The following ELAPOR2 variants were observed in gnomAD, a reference collection of about 807,000 sequenced individuals.
ELAPOR2 encodes endosome/lysosome-associated apoptosis and autophagy regulator family member 2.
Under a neutral mutation model 120.7 loss-of-function variants are expected in ELAPOR2, and 89 were observed. The observed-to-expected ratio is 0.74, with a 90% CI of 0.62 to 0.88. The LOEUF (loss-of-function observed/expected upper bound fraction) is 0.88. Ranked by LOEUF, ELAPOR2 falls within the 40% of genes least tolerant of loss-of-function variation. The probability of loss-of-function intolerance (pLI) is 0.00; values close to 1 mark genes in which losing one functional copy is unlikely to be tolerated. For synonymous variants in ELAPOR2, 444 were observed against 444.9 expected (o/e 1.00, Z 0.03); for missense variants, 1,134 against 1,251.6 (o/e 0.91, Z 1.42).
At chr7:86,937,656 T>C (rs1001473452) in intron 8 of ELAPOR2, among the ~76,000 whole-genome samples, 3 of 152,076 alleles carry the variant, frequency 2.0e-5, no homozygotes, top group African/African-American at 4.8e-5. Flanking sequence ...CAAAACATAC[T>C]GAGTAACCAA....
In ELAPOR2 at chr7:86,926,920, CAAAAAAAAAAAA is replaced by C. The variant is rs397698585; in HGVS notation, c.1090-16_1090-5del. 1.1e-6 allele frequency: 1 copy of C among 887,016 alleles called. No individual in the cohort carries two copies. The highest frequency in any genetic ancestry group is 1.4e-6 in the Non-Finnish European group (1 of 737,196). The allele number at this position is 887,016 out of a possible 1,614,324, so 54.9% of individuals were successfully genotyped here. ...TCCACTTGTACATTATCTGTGTCTA[CAAAAAAAAAAAA>C]AAAAAAAAAGCAACCAAGTCATATA... On this transcript the variant is annotated splice_polypyrimidine_tract_variant and splice_region_variant and intron_variant, in intron 8 of 21. Transcript: ENST00000450689.
chr7:86,889,772 T>C (rs1179804304), intron 21 of ELAPOR2, among the ~76,000 whole-genome samples: 1 of 152,064 alleles, frequency 6.6e-6, no homozygotes, highest in Non-Finnish European at 1.5e-5. Context: ...TGGGTTTCTG[T>C]TAAGATTTTG....
At chr7:86,991,272 T>C (rs1475773890) in intron 1 of ELAPOR2, among the ~76,000 whole-genome samples, 4 of 152,142 alleles carry the variant, frequency 2.6e-5, no homozygotes, top group Non-Finnish European at 5.9e-5. Context: ...ATGATTTATT[T>C]TACAGTTGAA....
intron 18 of ELAPOR2, among the ~76,000 whole-genome samples, chr7:86,900,416 T>C (rs1788665167): frequency 6.6e-6 from 1 of 152,172 alleles, no homozygotes; most frequent in Non-Finnish European, 1.5e-5. Flanking sequence ...ACGGGGTAGT[T>C]ATAATGGATA....
intron 1 of ELAPOR2, among the ~76,000 whole-genome samples, chr7:87,042,125 C>T (rs1176307273): frequency 6.7e-6 from 1 of 149,486 alleles, no homozygotes; most frequent in Non-Finnish European, 1.5e-5. Flanking sequence ...TCCTGAGTGA[C>T]CTACAAAGAG....
intron 1 of ELAPOR2, among the ~76,000 whole-genome samples, chr7:87,010,295 T>C (rs1459324283): frequency 6.6e-6 from 1 of 152,206 alleles, no homozygotes; most frequent in Non-Finnish European, 1.5e-5. Flanking sequence ...GCTAAACTGA[T>C]TTAACAGATA....
chr7:87,013,574 A>C (rs1263483819), intron 1 of ELAPOR2, among the ~76,000 whole-genome samples: 2 of 152,138 alleles, frequency 1.3e-5, no homozygotes, highest in African/African-American at 2.4e-5. Context: ...GTGAGGAAGG[A>C]GCAGGTGGTG....
chr7:86,906,391 AATTAAAT>A (rs1789017626), intron 18 of ELAPOR2, among the ~76,000 whole-genome samples: 2 of 152,110 alleles, frequency 1.3e-5, no homozygotes, highest in African/African-American at 4.8e-5. Context: ...TAAAAAGAAT[AATTAAAT>A]CATAGGTCTA....
chr7:86,911,810 A>T (rs1775597531), intron 15 of ELAPOR2: 1 of 570,232 alleles, frequency 1.8e-6, no homozygotes, highest in South Asian at 1.7e-5. Context: ...AAACATCCTC[A>T]AAGCACTTAC....
At chr7:87,031,796 G>A (rs1562976390) in intron 1 of ELAPOR2, among the ~76,000 whole-genome samples, 1 of 151,928 alleles carries the variant, frequency 6.6e-6, no homozygotes, top group South Asian at 2.1e-4. Flanking sequence ...GTTAAAAATA[G>A]GTATATTAAA....
chr7:86,929,330 G>A (rs1488659593), intron 8 of ELAPOR2, among the ~76,000 whole-genome samples: 2 of 151,912 alleles, frequency 1.3e-5, no homozygotes, highest in African/African-American at 2.4e-5. Context: ...ACTCATCAGG[G>A]CTAAATTACA....
At chr7:86,966,104 C>T in intron 1 of ELAPOR2, 1 of 248,080 alleles carries the variant, frequency 4.0e-6, no homozygotes, top group Non-Finnish European at 6.4e-6. Context: ...TTGCTTCTCT[C>T]ATAATTACTA....
At chr7:86,973,408 C>T (rs1309205666) in intron 1 of ELAPOR2, among the ~76,000 whole-genome samples, 2 of 152,096 alleles carry the variant, frequency 1.3e-5, no homozygotes, top group Non-Finnish European at 2.9e-5. Context: ...CTCTTTCTGC[C>T]CACATCTTGA....
In ELAPOR2 at chr7:86,993,270, A is replaced by C. The variant is rs578126262; in HGVS notation, c.190-28246T>G. Among the ~76,000 whole-genome samples the C allele has an allele frequency of 2.4e-3, 365 of 151,414 alleles. 1 individual carries two copies. Among genetic ancestry groups the C allele is most frequent in the African/African-American group, 8.6e-3 (354 of 41,242 alleles). On this transcript the variant is annotated intron_variant, in intron 1 of 21. Coordinates refer to ENST00000450689, the MANE Select transcript of ELAPOR2 (RefSeq NM_001142749.3). ...AAAAAAGAAAAAGAAAAGAAAAGGAAAGAAAAAGAAAAAAGAAAATCTTAC... is the reference window on the plus strand; with the variant it reads ...AAAAAAGAAAAAGAAAAGAAAAGGACAGAAAAAGAAAAAAGAAAATCTTAC...
intron 1 of ELAPOR2, among the ~76,000 whole-genome samples, chr7:87,049,561 C>T (rs535924658): frequency 2.0e-5 from 3 of 152,106 alleles, no homozygotes; most frequent in African/African-American, 4.8e-5. Flanking sequence ...GGATTACAGG[C>T]GCCTGGCCGG....
At chr7:87,010,784 T>A (rs1401290974) in intron 1 of ELAPOR2, among the ~76,000 whole-genome samples, 2 of 152,158 alleles carry the variant, frequency 1.3e-5, no homozygotes, top group Non-Finnish European at 2.9e-5. Flanking sequence ...AGATGCCATT[T>A]TTTTTTTCAA....
At chr7:86,997,890 A>G (rs1057129248) in intron 1 of ELAPOR2, among the ~76,000 whole-genome samples, 21 of 152,174 alleles carry the variant, frequency 1.4e-4, no homozygotes, top group African/African-American at 5.1e-4. Context: ...TACTGTTTAT[A>G]AAAAGCCTTT....
chr7:87,007,941 G>A (rs1314680036), intron 1 of ELAPOR2, among the ~76,000 whole-genome samples: 1 of 152,192 alleles, frequency 6.6e-6, no homozygotes, highest in Admixed American at 6.5e-5. Flanking sequence ...GAGAAAGAAT[G>A]ACAAAGTTAG....
At chr7:86,932,747 C>G (rs1020732867) in intron 8 of ELAPOR2, among the ~76,000 whole-genome samples, 1 of 151,884 alleles carries the variant, frequency 6.6e-6, no homozygotes, top group East Asian at 1.9e-4. Context: ...CTTTAAATAG[C>G]TGTCGCATTT....
Sources: allele counts gnomAD v4.1 joint callset (sites outside exome capture counted in the v4.1 genomes callset), GRCh38; gene constraint gnomAD v4.1.1; transcripts MANE v1.5; gene names NCBI Gene and HGNC (gene_info 2026-07-23, HGNC 2026-07-21).